The following DHRS9 variants were observed in gnomAD, a reference collection of about 807,000 sequenced individuals.
The protein encoded by DHRS9 is dehydrogenase/reductase 9, also known as dehydrogenase/reductase SDR family member 9.
DHRS9 carries 18 observed loss-of-function variants against 26.6 expected under a neutral mutation model. The observed-to-expected ratio is 0.68, with a 90% CI of 0.47 to 1.00. The LOEUF (loss-of-function observed/expected upper bound fraction) is 1.00. DHRS9 is among the 50% of genes least tolerant of loss of function. DHRS9 has a pLI of 0.00. For missense variants in DHRS9, 425 were observed against 378.7 expected (o/e 1.12, Z -1.01); for synonymous variants, 134 against 141.1 (o/e 0.95, Z 0.36).
At chr2:169,067,193 C>A, upstream of DHRS9, 1 of 1,535,640 alleles carries the variant, frequency 6.5e-7, no homozygotes, top group Non-Finnish European at 8.7e-7. Flanking sequence ...ACCAGCCTCA[C>A]CCTCCTGGTC....
chr2:169,084,277 T>C (rs2105294215), intron 3 of DHRS9, among the ~76,000 whole-genome samples: 1 of 152,376 alleles, frequency 6.6e-6, no homozygotes, highest in African/African-American at 2.4e-5. Flanking sequence ...TTTTAGCTGT[T>C]GTGAACAGTG....
chr2:169,070,182 A>G, intron 1 of DHRS9: 1 of 985,452 alleles, frequency 1.0e-6, no homozygotes, highest in Non-Finnish European at 1.2e-6. Context: ...GTAAGTTTAC[A>G]TGAATACACA....
In DHRS9 at chr2:169,079,983, G is replaced by GAGAAAGAAAGAAAGAAAGAA. The variant is rs1279888912; in HGVS notation, c.-59-1490_-59-1471dup. Among the ~76,000 whole-genome samples, 62 of 46,804 alleles carry GAGAAAGAAAGAAAGAAAGAA rather than the reference G, an allele frequency of 1.3e-3. 1 individual carries two copies. Among genetic ancestry groups the GAGAAAGAAAGAAAGAAAGAA allele is most frequent in the South Asian group, 2.2e-3 (2 of 928 alleles). The allele number at this position is 46,804 out of a possible 152,430, so 30.7% of individuals were successfully genotyped here. A position where few individuals can be genotyped will look rare whatever the true frequency, so the allele number is the denominator to read the frequency against. ...AGAGAGAGAGAGAGAGAGAGAGAGAGAGAAAGAAAGAAAGAAAGAAAGAAA... is the reference window on the plus strand; with the variant it reads ...AGAGAGAGAGAGAGAGAGAGAGAGAGAGAAAGAAAGAAAGAAAGAAAGAAAGAAAGAAAGAAAGAAAGAAA... On this transcript the variant is annotated intron_variant, in intron 1 of 4. Transcript: ENST00000674881.
upstream of DHRS9, chr2:169,069,450 C>T (rs1324475520): frequency 1.0e-6 from 1 of 985,438 alleles, no homozygotes; most frequent in Non-Finnish European, 1.2e-6. Context: ...ATGCGACCTA[C>T]AGCTTCTTGG....
In DHRS9 at chr2:169,095,654, G is replaced by C; in HGVS notation, c.847G>C (p.Ala283Pro). ...TSLFPKTHYAAGKDAKIFWIP... is the reference protein window; with the variant it reads ...TSLFPKTHYAPGKDAKIFWIP... ...TCTCTTCCCTAAGACTCATTATGCC[G>C]CTGGAAAAGATGCCAAAATTTTCTG... is the stretch of plus-strand genomic sequence containing the variant. Residue 283 changes from alanine (A) to proline (P), a missense_variant, in exon 5 of 5, where the codon GCT becomes CCT. Transcript: ENST00000674881. 5 of 1,613,922 alleles carry C rather than the reference G, an allele frequency of 3.1e-6. No homozygotes were observed. The highest frequency in any genetic ancestry group is 3.4e-6 in the Non-Finnish European group (4 of 1,179,906).
At chr2:169,086,335 T>A (rs1406269994) in intron 3 of DHRS9, among the ~76,000 whole-genome samples, 1 of 152,234 alleles carries the variant, frequency 6.6e-6, no homozygotes, top group African/African-American at 2.4e-5. Flanking sequence ...TGATTCTTTT[T>A]AATTATTTGT....
chr2:169,071,688 A>C (rs561235338), intron 1 of DHRS9, among the ~76,000 whole-genome samples: 8 of 152,272 alleles, frequency 5.3e-5, no homozygotes, highest in African/African-American at 1.9e-4. Context: ...AATGTAACTA[A>C]CCAGAGGAGG....
intron 1 of DHRS9, among the ~76,000 whole-genome samples, chr2:169,079,591 C>T (rs1029371241): frequency 3.3e-5 from 5 of 151,758 alleles, no homozygotes; most frequent in Admixed American, 3.3e-4. Flanking sequence ...TGGTGGCTCA[C>T]GCCTGTAATC....
At chr2:169,094,466 G>A (rs1684631150) in intron 4 of DHRS9, among the ~76,000 whole-genome samples, 1 of 151,034 alleles carries the variant, frequency 6.6e-6, no homozygotes, top group African/African-American at 2.4e-5. Flanking sequence ...GTTTAGCTTT[G>A]TGTTTTTGGG....
At chr2:169,081,924 A>T (rs777118145) in intron 2 of DHRS9, 30 bp downstream of exon 2, 1 of 1,569,570 alleles carries the variant, frequency 6.4e-7, no homozygotes, top group Non-Finnish European at 8.6e-7. Flanking sequence ...GTAGGATGGG[A>T]CAGGGATAGG....
rs1178502496 is a variant in DHRS9 at position 169,081,869 on chromosome 2, G to A, written c.288G>A (p.Trp96Ter). 1 of 1,609,006 alleles carries A rather than the reference G, an allele frequency of 6.2e-7. No individual in the cohort carries two copies. The highest frequency in any genetic ancestry group is 1.7e-5 in the Admixed American group (1 of 59,488). ...AGAATGTCAAGAGGACTGCCCAGTGGGTGAAGAACCAAGTTGGGGAGAAAG... is the reference window on the plus strand; with the variant it reads ...AGAATGTCAAGAGGACTGCCCAGTGAGTGAAGAACCAAGTTGGGGAGAAAG... Reference protein sequence around the residue: ...DPENVKRTAQWVKNQVGEKGL... With the variant: ...DPENVKRTAQ The change falls in exon 2 of 5, where the codon TGG (tryptophan) becomes TGA (stop). Residue 96 changes from tryptophan (W) to a stop codon, truncating the protein, a stop_gained. Transcript: ENST00000674881. LOFTEE classifies it high-confidence loss of function.
chr2:169,091,224 TATAAAATAA>T (rs1684511794), intron 3 of DHRS9, among the ~76,000 whole-genome samples: 1 of 121,178 alleles, frequency 8.3e-6, no homozygotes, highest in African/African-American at 3.1e-5. Flanking sequence ...TGCAGCATGA[TATAAAATAA>T]AATAAAATAA....
intron 1 of DHRS9, among the ~76,000 whole-genome samples, chr2:169,079,673 G>C (rs7560772): frequency 0.25 from 37,438 of 151,188 alleles, 4,966 homozygotes; most frequent in African/African-American, 0.35. Flanking sequence ...GGCCAACATG[G>C]AGAAACCCCA....
Position 169,083,536 on chromosome 2 carries a change from G to A in DHRS9, c.521G>A (p.Gly174Glu). Residue 174 changes from glycine to glutamate, a missense_variant, in exon 3 of 5, where the codon GGG becomes GAG. Coordinates refer to ENST00000674881, the MANE Select transcript of DHRS9 (RefSeq NM_001376924.1). ...GGAGGTCGCCTTGCAATCGTTGGAGGGGGCTATACTCCATCCAAATATGCA... is the reference window on the plus strand; with the variant it reads ...GGAGGTCGCCTTGCAATCGTTGGAGAGGGCTATACTCCATCCAAATATGCA... ...SVGGRLAIVG[G>E]GYTPSKYAVE... 6.2e-7 allele frequency: 1 copy of A among 1,613,972 alleles called. No homozygotes were observed. Among genetic ancestry groups the A allele is most frequent in the South Asian group, 1.1e-5 (1 of 91,072 alleles).
intron 3 of DHRS9, among the ~76,000 whole-genome samples, chr2:169,086,169 CT>C (rs777701210): frequency 1.2e-4 from 18 of 149,028 alleles, no homozygotes; most frequent in Admixed American, 5.4e-4. Context: ...ATGCCTCATT[CT>C]TTTTTTTTTC....
intron 1 of DHRS9, among the ~76,000 whole-genome samples, chr2:169,080,034 A>AAAGAAAGAAAGG (rs1684132200): frequency 7.6e-6 from 1 of 132,340 alleles, no homozygotes; most frequent in Non-Finnish European, 1.6e-5. Context: ...AGAAAGAAAG[A>AAAGAAAGAAAGG]AAGAAAGAAA....
intron 1 of DHRS9, among the ~76,000 whole-genome samples, chr2:169,079,716 C>T (rs1207949306): frequency 2.0e-5 from 3 of 151,114 alleles, no homozygotes; most frequent in Admixed American, 6.6e-5. Context: ...TAGCCGGGTG[C>T]CTGTAATGGT....
At position 169,088,187 on chromosome 2, in the gene DHRS9, C is replaced by T. The variant is rs910160801; in HGVS notation, c.573-3603C>T. On this transcript the variant is annotated intron_variant, in intron 3 of 4. Coordinates refer to ENST00000674881, the MANE Select transcript of DHRS9 (RefSeq NM_001376924.1). ...CAGCTACTGAAATGGGCAATTCCTC[C>T]TCCGGCTAGGGCTGGTTTGAATGCT... Among the ~76,000 whole-genome samples the T allele has an allele frequency of 5.9e-5, 9 of 152,344 alleles. No individual in the cohort carries two copies. In the South Asian group the frequency reaches 8.3e-4, roughly 14 times the overall value.
At chr2:169,067,310 G>C (rs1484044222), upstream of DHRS9, 6 of 1,532,034 alleles carry the variant, frequency 3.9e-6, no homozygotes, top group Admixed American at 1.2e-4. Flanking sequence ...AGAATGATCT[G>C]TGACTTAGAC....
Sources: gnomAD v4.1 joint callset for allele counts (sites outside exome capture counted in the v4.1 genomes callset) on GRCh38, gnomAD v4.1.1 for gene constraint, MANE v1.5 for transcripts, NCBI Gene and HGNC (gene_info 2026-07-23, HGNC 2026-07-21) for gene names.